HMCES: variants seen among roughly 807,000 people sequenced by gnomAD.
HMCES encodes the protein 5-hydroxymethylcytosine binding, ES cell specific, also known as abasic site processing protein HMCES.
Under a neutral mutation model 35.1 loss-of-function variants are expected in HMCES, and 27 were observed. The observed-to-expected ratio is 0.77, with a 90% CI of 0.57 to 1.06. The LOEUF is 1.06. Ranked by LOEUF, HMCES falls within the 50% of genes least tolerant of loss-of-function variation. The pLI is 0.00. For missense variants in HMCES, 391 were observed against 430.4 expected, an observed-to-expected ratio of 0.91 and a Z score of 0.81; for synonymous variants, 130 against 154.7, an observed-to-expected ratio of 0.84 and a Z score of 1.18.
At position 129,279,688 on chromosome 3, in the gene HMCES, C is replaced by G. The variant is rs200677437; in HGVS notation, c.-23-22C>G. On this transcript the variant is annotated intron_variant, in intron 1 of 6. Transcript: ENST00000383463. This position sits in a 1 kb window ranked among gnomAD's most constrained non-coding sequence, Gnocchi z 4.2. ...AATATTTGAGATACGTAAGCCTTTT[C>G]CTTACGTTTTGTAATTTAAAGGTTG... 18 of 1,600,562 alleles carry G rather than the reference C, an allele frequency of 1.1e-5. No homozygotes were observed. In the South Asian group the frequency reaches 1.9e-4, roughly 17 times the overall value.
intron 5 of HMCES, among the ~76,000 whole-genome samples, chr3:129,299,650 T>TC (rs1173935146): frequency 2.2e-5 from 2 of 92,572 alleles, no homozygotes; most frequent in South Asian, 2.8e-4. Context: ...AGGTGCTTCT[T>TC]TTTTTTTTTT....
At chr3:129,296,575 G>A (rs1248158956) in intron 4 of HMCES, among the ~76,000 whole-genome samples, 1 of 151,890 alleles carries the variant, frequency 6.6e-6, no homozygotes, top group African/African-American at 2.4e-5. Flanking sequence ...GTGGTTGATT[G>A]CTTTAGCTTT....
intron 2 of HMCES, among the ~76,000 whole-genome samples, chr3:129,284,914 GA>G (rs1560072994): frequency 6.6e-6 from 1 of 152,062 alleles, no homozygotes; most frequent in Admixed American, 6.6e-5. Context: ...TCCATCTCAA[GA>G]AAAAGAGAAT....
At chr3:129,285,193 A>C (rs1940602200) in intron 2 of HMCES, among the ~76,000 whole-genome samples, 1 of 151,920 alleles carries the variant, frequency 6.6e-6, no homozygotes, top group South Asian at 2.1e-4. Context: ...TACATGATAT[A>C]CTCTCTAAGA....
intron 2 of HMCES, among the ~76,000 whole-genome samples, chr3:129,281,864 T>G: frequency 6.8e-6 from 1 of 148,052 alleles, no homozygotes; most frequent in African/African-American, 2.5e-5. Context: ...AATGTGGAGG[T>G]TGCAGTGAGT....
chr3:129,290,893 T>C, intron 4 of HMCES, 89 bp downstream of exon 4: 2 of 1,308,084 alleles, frequency 1.5e-6, no homozygotes, highest in East Asian at 2.5e-5. Flanking sequence ...CCCATAGTTT[T>C]ATTTATTTAT....
At chr3:129,304,565 T>G (rs1282047716) in intron 6 of HMCES, 24 bp from the exon 7 acceptor site, 1 of 1,600,604 alleles carries the variant, frequency 6.2e-7, no homozygotes, top group South Asian at 1.1e-5. Context: ...CTGTATGGTT[T>G]GAGCTTTTTC....
In HMCES at chr3:129,298,501, G is replaced by A; in HGVS notation, c.601G>A (p.Asp201Asn). 6.2e-7 allele frequency: 1 copy of A among 1,614,128 alleles called. No homozygotes were observed. Among genetic ancestry groups the A allele is most frequent in the South Asian group, 1.1e-5 (1 of 91,090 alleles). The change falls in exon 5 of 7, where the codon GAT becomes AAT. Residue 201 changes from aspartate to asparagine, a missense_variant. Physicochemically the swap from Asp to Asn is conservative, Grantham distance 23. Coordinates refer to ENST00000383463, the MANE Select transcript of HMCES (RefSeq NM_020187.3). ...VLYSYTIITV[D>N]SCKGLSDIHH... The stretch of plus-strand genomic sequence containing the variant: ...GTATTCCTATACCATCATCACAGTG[G>A]ATTCCTGCAAAGGCTTGAGTGACAT...
Position 129,278,870 on chromosome 3 carries a change from A to G in HMCES, c.-59A>G, listed in dbSNP as rs1179834399. 13 of 141,732 alleles carry G rather than the reference A, an allele frequency of 9.2e-5. No individual in the cohort carries two copies. Among genetic ancestry groups the G allele is most frequent in the Non-Finnish European group, 1.9e-4 (12 of 64,750 alleles). The allele number at this position is 141,732 out of a possible 1,614,324, so 8.8% of individuals were successfully genotyped here. A position where few individuals can be genotyped will look rare whatever the true frequency, so the allele number is the denominator to read the frequency against. On this transcript the variant is annotated 5_prime_UTR_variant, in exon 1 of 7. Transcript: ENST00000383463. ...AAAGCGGAGCGGAGCGGGGGTGAGG[A>G]GAGTCGAGGGAGGTGACGCGCGCTG...
In HMCES at chr3:129,296,123, C is replaced by T. The variant is rs189862930; in HGVS notation, c.454-2231C>T. On this transcript the variant is annotated intron_variant, in intron 4 of 6. Coordinates refer to ENST00000383463, the MANE Select transcript of HMCES (RefSeq NM_020187.3). ...TCACCCAAGCTGGAGTACAGTGGTG[C>T]AATCTTGGCTCACTGCAACCCCTAC... Among the ~76,000 whole-genome samples, 7 of 152,122 alleles carry T rather than the reference C, an allele frequency of 4.6e-5. No individual in the cohort carries two copies. The East Asian group carries it at 1.2e-3, about 25-fold the overall frequency.
At position 129,279,685 on chromosome 3, in the gene HMCES, T is replaced by C. The variant is rs758946767; in HGVS notation, c.-23-25T>C. 3.4e-5 allele frequency: 54 copies of C among 1,599,730 alleles called. No individual in the cohort carries two copies. The highest frequency in any genetic ancestry group is 3.9e-5 in the Non-Finnish European group (46 of 1,171,632). On this transcript the variant is annotated intron_variant, in intron 1 of 6. Coordinates refer to ENST00000383463, the MANE Select transcript of HMCES (RefSeq NM_020187.3). This position sits in a 1 kb window ranked among gnomAD's most constrained non-coding sequence, Gnocchi z 4.2. Reference sequence around the variant, plus strand: ...CCTAATATTTGAGATACGTAAGCCTTTTCCTTACGTTTTGTAATTTAAAGG... The same window carrying C: ...CCTAATATTTGAGATACGTAAGCCTCTTCCTTACGTTTTGTAATTTAAAGG...
At chr3:129,288,557 TG>T (rs11321681) in intron 2 of HMCES, among the ~76,000 whole-genome samples, 38,239 of 151,176 alleles carry the variant, frequency 0.25, 8,081 homozygotes, top group African/African-American at 0.58. Context: ...TAGCTGGGTA[TG>T]GGGGGGCGTG....
intron 2 of HMCES, 54 bp from the exon 3 acceptor site, chr3:129,288,800 A>G: frequency 7.8e-7 from 1 of 1,275,682 alleles, no homozygotes; most frequent in Non-Finnish European, 1.1e-6. Context: ...ACATATGTTA[A>G]ATTAGGTTAG....
intron 4 of HMCES, among the ~76,000 whole-genome samples, chr3:129,292,596 G>T (rs901953011): frequency 6.6e-5 from 10 of 150,580 alleles, no homozygotes; most frequent in African/African-American, 2.4e-4. Flanking sequence ...GGGTTCAAGC[G>T]ATTCTCCTGC....
rs1195654895 is a variant in HMCES, at chr3:129,279,232, G to A, written c.-24+327G>A. ...CGCAGGTCGGGCCCGGGGACGCTGC[G>A]GACTAGCGGGCGGGAGGCGGGGATT... On this transcript the variant is annotated intron_variant, in intron 1 of 6. Coordinates refer to ENST00000383463, the MANE Select transcript of HMCES (RefSeq NM_020187.3). The surrounding 1 kb of genome is among the most constrained non-coding windows in gnomAD (Gnocchi z 4.2). 6.4e-6 allele frequency: 1 copy of A among 155,460 alleles called. No individual in the cohort carries two copies. The highest frequency in any genetic ancestry group is 1.4e-5 in the Non-Finnish European group (1 of 70,028). 9.6% of individuals were successfully genotyped at this position (155,460 alleles called of 1,614,324 possible).
Position 129,304,660 on chromosome 3 carries a change from C to T in HMCES, c.900C>T (p.Asp300=). 6.2e-7 allele frequency: 1 copy of T among 1,614,186 alleles called. No individual in the cohort carries two copies. Among genetic ancestry groups the T allele is most frequent in the Non-Finnish European group, 8.5e-7 (1 of 1,180,040 alleles). ...WLATKSPKKE[D]SKTPQKEESD... is the part of the protein sequence containing the mutation. ...CCACAAAGTCACCCAAAAAGGAAGA[C>T]TCAAAAACACCTCAAAAGGAAGAGT... The change falls in exon 7 of 7, where the codon GAC becomes GAT. Residue 300 remains aspartate, a synonymous_variant. Coordinates refer to ENST00000383463, the MANE Select transcript of HMCES (RefSeq NM_020187.3).
chr3:129,280,047 T>C, intron 2 of HMCES, 132 bp downstream of exon 2: 1 of 705,074 alleles, frequency 1.4e-6, no homozygotes, highest in Non-Finnish European at 2.2e-6. Flanking sequence ...TGACTTCCAG[T>C]TGAGAACCTC....
chr3:129,304,969 G>A lies in HMCES; in HGVS notation c.*144G>A. ...GTTGTGGGCTCATGTAGTCTTTTTT[G>A]CCATGAGTAGGAGCCCCTAGTGGGG... On this transcript the variant is annotated 3_prime_UTR_variant, in exon 7 of 7. Transcript: ENST00000383463. 1 of 670,818 alleles carries A rather than the reference G, an allele frequency of 1.5e-6. No individual in the cohort carries two copies. Among genetic ancestry groups the A allele is most frequent in the Non-Finnish European group, 2.5e-6 (1 of 395,888 alleles). 41.6% of individuals were successfully genotyped at this position (670,818 alleles called of 1,614,324 possible).
At chr3:129,299,394 A>G (rs2071132623) in intron 5 of HMCES, among the ~76,000 whole-genome samples, 1 of 152,214 alleles carries the variant, frequency 6.6e-6, no homozygotes, top group Non-Finnish European at 1.5e-5. Context: ...CTATTTAATT[A>G]AAATTGAATA....
Sources: gnomAD v4.1 joint callset for allele counts (sites outside exome capture counted in the v4.1 genomes callset) on GRCh38, gnomAD v4.1.1 for gene constraint, Gnocchi (gnomAD v3.1) non-coding constraint, MANE v1.5 for transcripts, NCBI Gene and HGNC (gene_info 2026-07-23, HGNC 2026-07-21) for gene names.